FERMT1: variants seen among roughly 807,000 people sequenced by gnomAD.
FERMT1 encodes the protein FERM domain containing kindlin 1.
Under a neutral mutation model 85.3 loss-of-function variants are expected in FERMT1, and 60 were observed. The observed-to-expected ratio is 0.70, with a 90% confidence interval of 0.57 to 0.87. The LOEUF (loss-of-function observed/expected upper bound fraction) is 0.87. Among genes scored for constraint, FERMT1 ranks in the 40% least tolerant of loss-of-function variants. The pLI, the probability that FERMT1 is intolerant of heterozygous loss-of-function variation, is 0.00. For missense variants in FERMT1, 701 were observed against 818.9 expected, an observed-to-expected ratio of 0.86 and a Z score of 1.76; for synonymous variants, 275 against 301.1, an observed-to-expected ratio of 0.91 and a Z score of 0.90.
rs1460860952 is a variant in FERMT1 at position 6,076,795 on chromosome 20, C to G, written c.*378G>C. 2 of 347,210 alleles carry G rather than the reference C, an allele frequency of 5.8e-6. No individual in the cohort carries two copies. Among genetic ancestry groups the G allele is most frequent in the Non-Finnish European group, 1.1e-5 (2 of 180,472 alleles). 21.5% of individuals were successfully genotyped at this position (347,210 alleles called of 1,614,324 possible). On this transcript the variant is annotated 3_prime_UTR_variant, in exon 15 of 15. Transcript: ENST00000217289. Reference sequence around the variant, plus strand: ...TGTTCTTGCTACACGTGATTTTTACCTTTCTGTCTTCTCCATTGACTTAGT... The same window carrying G: ...TGTTCTTGCTACACGTGATTTTTACGTTTCTGTCTTCTCCATTGACTTAGT...
At chr20:6,110,634 A>C (rs1982921765) in intron 4 of FERMT1, 123 bp from the exon 5 acceptor site, 5 of 818,984 alleles carry the variant, frequency 6.1e-6, no homozygotes, top group Non-Finnish European at 1.0e-5. Flanking sequence ...ATTTAAAATA[A>C]TATAAGTCAA....
chr20:6,119,336 A>G lies in FERMT1; in HGVS notation c.151+68T>C, dbSNP rs2123157465. The G allele has an allele frequency of 2.7e-6, 4 of 1,458,876 alleles. No homozygotes were observed. In the East Asian group the frequency reaches 6.8e-5, roughly 25 times the overall value. 90.4% of individuals were successfully genotyped at this position (1,458,876 alleles called of 1,614,324 possible). A position where few individuals can be genotyped will look rare whatever the true frequency, so the allele number is the denominator to read the frequency against. On this transcript the variant is annotated intron_variant, in intron 2 of 14. Coordinates refer to ENST00000217289, the MANE Select transcript of FERMT1 (RefSeq NM_017671.5). The stretch of plus-strand genomic sequence containing the variant: ...ATAAATGATCAGAAAAACCTACACC[A>G]GCCATTAGTGGTGATGCACCAGACA...
At chr20:6,102,637 A>G (rs1982687901) in intron 6 of FERMT1, among the ~76,000 whole-genome samples, 1 of 144,016 alleles carries the variant, frequency 6.9e-6, no homozygotes, top group Admixed American at 7.4e-5. Flanking sequence ...AGATCGTGCC[A>G]CTGTACCCCA....
chr20:6,119,159 C>A (rs911339805), intron 2 of FERMT1, among the ~76,000 whole-genome samples: 1 of 152,098 alleles, frequency 6.6e-6, no homozygotes, highest in African/African-American at 2.4e-5. Context: ...TGTTGGCCAG[C>A]CTGTTCTTGA....
At chr20:6,083,656 C>CA in intron 13 of FERMT1, among the ~76,000 whole-genome samples, 1 of 89,136 alleles carries the variant, frequency 1.1e-5, no homozygotes, top group Non-Finnish European at 2.0e-5. Context: ...AAATGAGACA[C>CA]CCCCCCCCCC....
intron 6 of FERMT1, 85 bp from the exon 7 acceptor site, chr20:6,097,716 T>C: frequency 1.1e-6 from 1 of 950,504 alleles, no homozygotes; most frequent in East Asian, 2.4e-5. Context: ...GAGGCCATTC[T>C]CTGTTAATCA....
chr20:6,088,806 T>C (rs941965878), intron 10 of FERMT1, among the ~76,000 whole-genome samples, 159 bp downstream of exon 10: 4 of 151,760 alleles, frequency 2.6e-5, no homozygotes, highest in Admixed American at 1.3e-4. Flanking sequence ...GTATTTTTAG[T>C]AGAGATGGGG....
intron 13 of FERMT1, among the ~76,000 whole-genome samples, chr20:6,083,663 C>G (rs113266725): frequency 0.11 from 8,147 of 75,706 alleles, 385 homozygotes; most frequent in Middle Eastern, 0.22. Context: ...ACACCCCCCC[C>G]CCCGGCCACC....
chr20:6,110,297 C>T lies in FERMT1; in HGVS notation c.746+1G>A. The T allele has an allele frequency of 1.2e-6, 2 of 1,610,912 alleles. No individual in the cohort carries two copies. Among genetic ancestry groups the T allele is most frequent in the Non-Finnish European group, 1.7e-6 (2 of 1,178,474 alleles). On this transcript the variant is annotated splice_donor_variant, in intron 5 of 14. Coordinates refer to ENST00000217289, the MANE Select transcript of FERMT1 (RefSeq NM_017671.5). LOFTEE classifies it high-confidence loss of function. ...AGAAGTAAAAGGAGCCGTGTCCTTA[C>T]CCTGCATTGAGCTTGGCTTTATCAA...
chr20:6,082,807 C>G (rs1457934103), intron 13 of FERMT1, among the ~76,000 whole-genome samples: 1 of 152,118 alleles, frequency 6.6e-6, no homozygotes, highest in Non-Finnish European at 1.5e-5. Context: ...AGCTGCACAC[C>G]ACCACGCCCA....
At chr20:6,108,026 C>T (rs1035956952) in intron 5 of FERMT1, among the ~76,000 whole-genome samples, 3 of 152,244 alleles carry the variant, frequency 2.0e-5, no homozygotes, top group African/African-American at 2.4e-5. Flanking sequence ...CCACCATGCC[C>T]GGCTAAATTT....
At chr20:6,090,686 C>A (rs1982331344) in intron 9 of FERMT1, among the ~76,000 whole-genome samples, 1 of 151,792 alleles carries the variant, frequency 6.6e-6, no homozygotes, top group South Asian at 2.1e-4. Flanking sequence ...CTGCAGTGAG[C>A]TATGATCACC....
intron 4 of FERMT1, among the ~76,000 whole-genome samples, 190 bp from the exon 5 acceptor site, chr20:6,110,701 G>A (rs1402249851): frequency 1.3e-5 from 2 of 152,140 alleles, no homozygotes; most frequent in African/African-American, 4.8e-5. Context: ...TGAGGTTGGA[G>A]AATTGTTTGA....
intron 14 of FERMT1, 116 bp from the exon 15 acceptor site, chr20:6,077,462 A>T: frequency 1.1e-6 from 1 of 930,766 alleles, no homozygotes; most frequent in Non-Finnish European, 1.7e-6. Flanking sequence ...ACAGATGGAT[A>T]TCCCTCTAAA....
chr20:6,084,203 C>T (rs747310325), intron 12 of FERMT1, 39 bp from the exon 13 acceptor site: 14 of 1,585,344 alleles, frequency 8.8e-6, no homozygotes, highest in East Asian at 4.6e-5. Flanking sequence ...TCACATGCAC[C>T]GGCTGCTCTG....
At chr20:6,122,708 G>C (rs866701860) in intron 1 of FERMT1, 66 bp downstream of exon 1, 1 of 152,292 alleles carries the variant, frequency 6.6e-6, no homozygotes, top group South Asian at 2.1e-4. Context: ...GGGGGCTCAG[G>C]AGCCACTGGT....
At chr20:6,106,057 AAAAC>A (rs1279723913) in intron 6 of FERMT1, among the ~76,000 whole-genome samples, 1 of 152,228 alleles carries the variant, frequency 6.6e-6, no homozygotes, top group Non-Finnish European at 1.5e-5. Context: ...TGAAAAAACA[AAAAC>A]AAAAACAAAA....
rs530907037 is a variant in FERMT1, at chr20:6,090,767, T to G, written c.1140-1678A>C. Among the ~76,000 whole-genome samples, 806 of 152,152 alleles carry G rather than the reference T, an allele frequency of 5.3e-3. 8 individuals are homozygous for G. Among genetic ancestry groups the G allele is most frequent in the African/African-American group, 0.019 (780 of 41,528 alleles). On this transcript the variant is annotated intron_variant, in intron 9 of 14. Coordinates refer to ENST00000217289, the MANE Select transcript of FERMT1 (RefSeq NM_017671.5). ...AATTTAAAAACCCAGCAAAACCCCCTCAGTGTATTACAGAAGAATATTACA... is the reference window on the plus strand; with the variant it reads ...AATTTAAAAACCCAGCAAAACCCCCGCAGTGTATTACAGAAGAATATTACA...
intron 9 of FERMT1, among the ~76,000 whole-genome samples, chr20:6,093,815 G>C (rs1671454467): frequency 6.6e-6 from 1 of 152,154 alleles, no homozygotes; most frequent in African/African-American, 2.4e-5. Context: ...ATGTAGCCAG[G>C]CGTGATGATG....
Sources: gnomAD v4.1 joint callset for allele counts (sites outside exome capture counted in the v4.1 genomes callset) on GRCh38, gnomAD v4.1.1 for gene constraint, MANE v1.5 for transcripts, NCBI Gene and HGNC (gene_info 2026-07-23, HGNC 2026-07-21) for gene names.